Variants in XRCC4 observed in about 807,000 individuals in gnomAD.
XRCC4 encodes the protein X-ray repair cross complementing 4, also known as DNA repair protein XRCC4.
XRCC4 carries 28 observed loss-of-function variants against 39.1 expected under a neutral mutation model. The observed-to-expected ratio is 0.72, with a 90% confidence interval of 0.53 to 0.98. XRCC4 has a LOEUF of 0.98. Among genes scored for constraint, XRCC4 ranks in the 50% least tolerant of loss-of-function variants. XRCC4 has a pLI of 0.00. For synonymous variants in XRCC4, 123 were observed against 126.4 expected (o/e 0.97, Z 0.18); for missense variants, 350 against 376.4 (o/e 0.93, Z 0.58).
the XRCC4 span, among the ~76,000 whole-genome samples, chr5:83,371,849 GAC>G: frequency 6.6e-6 from 1 of 152,092 alleles, no homozygotes; most frequent in Non-Finnish European, 1.5e-5. Flanking sequence ...CAAAAAGGCA[GAC>G]ACACACAAAA....
At chr5:83,232,499 C>G (rs1392434968) in intron 6 of XRCC4, among the ~76,000 whole-genome samples, 1 of 152,020 alleles carries the variant, frequency 6.6e-6, no homozygotes, top group African/African-American at 2.4e-5. Context: ...AGCCAAAAAA[C>G]TACAAGAGCA....
At chr5:83,182,058 A>ATCCCTTTCCCC (rs1419981421) in intron 3 of XRCC4, among the ~76,000 whole-genome samples, 3 of 152,180 alleles carry the variant, frequency 2.0e-5, no homozygotes, top group Non-Finnish European at 2.9e-5. Flanking sequence ...AAACAGGAAG[A>ATCCCTTTCCCC]AAACCTCTGG....
At chr5:83,314,809 A>C (rs2112107367) in intron 7 of XRCC4, among the ~76,000 whole-genome samples, 1 of 152,012 alleles carries the variant, frequency 6.6e-6, no homozygotes, top group East Asian at 1.9e-4. Flanking sequence ...TGACTGCTTC[A>C]TTGCCTGGCT....
chr5:83,170,183 G>A (rs7726666), intron 3 of XRCC4, among the ~76,000 whole-genome samples: 7 of 152,038 alleles, frequency 4.6e-5, no homozygotes, highest in Non-Finnish European at 1.0e-4. Context: ...ATTGTGTCTT[G>A]TGAGCTTGCT....
At chr5:83,116,850 G>T (rs1324281632) in intron 3 of XRCC4, among the ~76,000 whole-genome samples, 1 of 152,044 alleles carries the variant, frequency 6.6e-6, no homozygotes, top group Non-Finnish European at 1.5e-5. Flanking sequence ...TCGAACTCCT[G>T]ACCTCAAGTG....
At chr5:83,300,903 C>G (rs143973797) in intron 7 of XRCC4, among the ~76,000 whole-genome samples, 40 of 152,242 alleles carry the variant, frequency 2.6e-4, no homozygotes, top group African/African-American at 8.9e-4. Context: ...CTGCAAAGGA[C>G]ATGAACTCAT....
intron 3 of XRCC4, among the ~76,000 whole-genome samples, chr5:83,186,866 C>A (rs1750463433): frequency 6.6e-6 from 1 of 152,006 alleles, no homozygotes; most frequent in Non-Finnish European, 1.5e-5. Flanking sequence ...GGAGGCTCTA[C>A]AGGAGAACCC....
chr5:83,368,422 A>G, the XRCC4 span, among the ~76,000 whole-genome samples: 15 of 152,174 alleles, frequency 9.9e-5, no homozygotes, highest in African/African-American at 3.6e-4. Context: ...ATCCTAGCCT[A>G]AAACTGTTAG....
At chr5:83,111,511 C>A (rs1008161343) in intron 3 of XRCC4, among the ~76,000 whole-genome samples, 1 of 151,666 alleles carries the variant, frequency 6.6e-6, no homozygotes, top group African/African-American at 2.4e-5. Context: ...TTTAGGCCAT[C>A]GTGACAGGTC....
chr5:83,362,316 A>AAAAAAAAAAAC, the XRCC4 span, among the ~76,000 whole-genome samples: 11 of 146,042 alleles, frequency 7.5e-5, no homozygotes, highest in African/African-American at 3.0e-4. Flanking sequence ...AAAAAAAAAA[A>AAAAAAAAAAAC]AACTATCTCA....
intron 7 of XRCC4, among the ~76,000 whole-genome samples, chr5:83,332,720 A>G (rs1580522283): frequency 6.6e-6 from 1 of 152,192 alleles, no homozygotes; most frequent in African/African-American, 2.4e-5. Flanking sequence ...GATGTGTGAT[A>G]TATGAGATTT....
At chr5:83,149,063 A>G (rs551216636) in intron 3 of XRCC4, among the ~76,000 whole-genome samples, 1 of 152,318 alleles carries the variant, frequency 6.6e-6, no homozygotes, top group South Asian at 2.1e-4. Flanking sequence ...ACTGAAACAT[A>G]GTGCATTTTG....
intron 6 of XRCC4, among the ~76,000 whole-genome samples, chr5:83,236,325 ATTGT>A (rs1561423093): frequency 6.6e-6 from 1 of 152,122 alleles, no homozygotes; most frequent in African/African-American, 2.4e-5. Flanking sequence ...ATACTACAAA[ATTGT>A]AGTAACCAAA....
At chr5:83,079,137 A>T (rs1227258266) in intron 1 of XRCC4, among the ~76,000 whole-genome samples, 1 of 152,232 alleles carries the variant, frequency 6.6e-6, no homozygotes, top group African/African-American at 2.4e-5. Flanking sequence ...TAGAGATCAC[A>T]ATTGATTTGC....
At chr5:83,213,050 A>G (rs1292259469) in intron 6 of XRCC4, among the ~76,000 whole-genome samples, 1 of 151,986 alleles carries the variant, frequency 6.6e-6, no homozygotes, top group Admixed American at 6.6e-5. Context: ...ATATAACAAC[A>G]GACATTATCT....
At chr5:83,116,317 C>T (rs1342777130) in intron 3 of XRCC4, among the ~76,000 whole-genome samples, 2 of 152,054 alleles carry the variant, frequency 1.3e-5, no homozygotes, top group African/African-American at 4.8e-5. Flanking sequence ...TAAGGTTGCT[C>T]CTCCGTGACA....
At chr5:83,227,842 G>T (rs757799560) in intron 6 of XRCC4, among the ~76,000 whole-genome samples, 1 of 151,934 alleles carries the variant, frequency 6.6e-6, no homozygotes, top group Non-Finnish European at 1.5e-5. Context: ...TTCATCATAG[G>T]TTTATACAGA....
At chr5:83,323,779 T>C (rs1204683661) in intron 7 of XRCC4, among the ~76,000 whole-genome samples, 2 of 152,066 alleles carry the variant, frequency 1.3e-5, no homozygotes, top group African/African-American at 4.8e-5. Context: ...GGGTGAGTTT[T>C]GAAATATGTT....
intron 7 of XRCC4, among the ~76,000 whole-genome samples, chr5:83,260,018 G>A (rs879623994): frequency 1.3e-5 from 2 of 151,970 alleles, no homozygotes; most frequent in East Asian, 1.9e-4. Flanking sequence ...TTCTCTCCAC[G>A]ATTGGCCTGA....
Sources: allele counts gnomAD v4.1 joint callset (sites outside exome capture counted in the v4.1 genomes callset), GRCh38; gene constraint gnomAD v4.1.1; transcripts MANE v1.5; gene names NCBI Gene and HGNC (gene_info 2026-07-23, HGNC 2026-07-21).